SNX25: variants seen among roughly 807,000 people sequenced by gnomAD.
SNX25 encodes sorting nexin-25.
Under a neutral mutation model 113.7 loss-of-function variants are expected in SNX25, and 62 were observed. The observed-to-expected ratio is 0.55, with a 90% confidence interval of 0.44 to 0.67. The LOEUF is 0.67. SNX25 is among the 30% of genes least tolerant of loss of function. The pLI is 0.00. For synonymous variants in SNX25, 421 were observed against 436.2 expected (o/e 0.97, Z 0.43); for missense variants, 1,014 against 1,161.0 (o/e 0.87, Z 1.84).
rs1560890102 is a variant in SNX25 at position 185,212,497 on chromosome 4, T to TGTTTTTTTTG, written c.429+2242_429+2243insGTTTTTTTTG. Among the ~76,000 whole-genome samples, 77 of 49,594 alleles carry TGTTTTTTTTG rather than the reference T, an allele frequency of 1.6e-3. 2 individuals carry two copies. Among genetic ancestry groups the TGTTTTTTTTG allele is most frequent in the African/African-American group, 3.9e-3 (69 of 17,726 alleles). 32.5% of individuals were successfully genotyped at this position (49,594 alleles called of 152,430 possible). ...TGTGTGTGTGTGTGTGTGTGTTTTT[T>TGTTTTTTTTG]TTTTTTTTTGCTTTGAGACAGGGTC... On this transcript the variant is annotated intron_variant, in intron 1 of 18. Transcript: ENST00000652585.
chr4:185,264,052 G>A (rs945134978), intron 3 of SNX25, among the ~76,000 whole-genome samples: 13 of 152,156 alleles, frequency 8.5e-5, no homozygotes, highest in Admixed American at 2.6e-4. Flanking sequence ...AAGCAGGCTG[G>A]CAACCCTGGT....
At chr4:185,302,652 G>A (rs954965276) in intron 6 of SNX25, among the ~76,000 whole-genome samples, 2 of 152,218 alleles carry the variant, frequency 1.3e-5, no homozygotes. Flanking sequence ...AGGATGTGGT[G>A]CGGAGACGCC....
chr4:185,294,726 G>T (rs188741942), intron 6 of SNX25, among the ~76,000 whole-genome samples: 4 of 152,226 alleles, frequency 2.6e-5, no homozygotes, highest in South Asian at 2.1e-4. Context: ...AGTGACTTCC[G>T]CTAACTCATT....
intron 15 of SNX25, among the ~76,000 whole-genome samples, chr4:185,354,209 T>G (rs1204489014): frequency 6.6e-6 from 1 of 152,230 alleles, no homozygotes; most frequent in Admixed American, 6.5e-5. Context: ...TGACTTGGCA[T>G]AGCTTCCATT....
upstream of SNX25, among the ~76,000 whole-genome samples, chr4:185,207,307 C>T (rs987135843): frequency 1.4e-5 from 2 of 147,338 alleles, no homozygotes; most frequent in African/African-American, 5.0e-5. Flanking sequence ...AGCTCTGCCT[C>T]CCAGGTTCAC....
intron 5 of SNX25, among the ~76,000 whole-genome samples, chr4:185,280,721 G>A (rs374226219): frequency 1.3e-4 from 20 of 152,244 alleles, no homozygotes; most frequent in Non-Finnish European, 1.8e-4. Context: ...TTGTGCTTTC[G>A]TGTTCACTGA....
In SNX25 at chr4:185,222,279, C is replaced by T. The variant is rs113228389; in HGVS notation, c.429+12024C>T. On this transcript the variant is annotated intron_variant, in intron 1 of 18. Transcript: ENST00000652585. ...TATACAGCACCATATACCCCTCCTT[C>T]GCGGTAGGTATACAGCACCATATAC... is the stretch of plus-strand genomic sequence containing the variant. Among the ~76,000 whole-genome samples, 12 of 22,564 alleles carry T rather than the reference C, an allele frequency of 5.3e-4. 1 individual carries two copies. The highest frequency in any genetic ancestry group is 1.4e-3 in the African/African-American group (11 of 7,638). The allele number at this position is 22,564 out of a possible 152,430, so 14.8% of individuals were successfully genotyped here. A position where few individuals can be genotyped will look rare whatever the true frequency, so the allele number is the denominator to read the frequency against.
chr4:185,347,059 T>G lies in SNX25; in HGVS notation c.2301+409T>G, dbSNP rs556554192. 3.9e-5 allele frequency among the ~76,000 whole-genome samples: 6 copies of G among 152,286 alleles called. No homozygotes were observed. In the South Asian group the frequency reaches 1.0e-3, roughly 26 times the overall value. On this transcript the variant is annotated intron_variant, in intron 13 of 18. Coordinates refer to ENST00000652585, the MANE Select transcript of SNX25 (RefSeq NM_001378034.2). ...CTTCGTTTCTGACTTCTTTCACTCA[T>G]TATGTTCATAGGACTCATCCATCCT...
intron 6 of SNX25, among the ~76,000 whole-genome samples, chr4:185,297,626 T>G (rs149108615): frequency 1.1e-4 from 16 of 152,302 alleles, no homozygotes; most frequent in Admixed American, 2.0e-4. Context: ...TTTCTCACAG[T>G]CTAGAGGCTG....
intron 13 of SNX25, among the ~76,000 whole-genome samples, chr4:185,350,613 A>G (rs1229826273): frequency 6.6e-6 from 1 of 152,186 alleles, no homozygotes; most frequent in East Asian, 1.9e-4. Context: ...CTGTAATCCC[A>G]GCACTTTGGG....
chr4:185,307,365 CAGAGAGT>C (rs1754604821), intron 6 of SNX25, among the ~76,000 whole-genome samples: 1 of 152,210 alleles, frequency 6.6e-6, no homozygotes, highest in South Asian at 2.1e-4. Flanking sequence ...GACTCACCTC[CAGAGAGT>C]GTGCTCTCAC....
intron 1 of SNX25, among the ~76,000 whole-genome samples, chr4:185,216,637 A>G (rs1738888672): frequency 6.8e-6 from 1 of 148,114 alleles, no homozygotes; most frequent in Non-Finnish European, 1.5e-5. Flanking sequence ...CTCCTGCCTC[A>G]GCCTCCCGAG....
chr4:185,347,049 C>A (rs921101901), intron 13 of SNX25, among the ~76,000 whole-genome samples: 5 of 152,212 alleles, frequency 3.3e-5, no homozygotes, highest in Admixed American at 2.0e-4. Context: ...TTTCTGACTT[C>A]TTTCACTCAT....
At chr4:185,326,685 C>T (rs964261103) in intron 9 of SNX25, among the ~76,000 whole-genome samples, 19 of 152,132 alleles carry the variant, frequency 1.2e-4, no homozygotes, top group African/African-American at 4.3e-4. Flanking sequence ...TTATATTTGA[C>T]AATTCTTCCT....
Position 185,334,658 on chromosome 4 carries a change from A to G in SNX25, c.1914+1899A>G, listed in dbSNP as rs1335923162. On this transcript the variant is annotated intron_variant, in intron 10 of 18. Coordinates refer to ENST00000652585, the MANE Select transcript of SNX25 (RefSeq NM_001378034.2). The surrounding 1 kb of genome is among the most constrained non-coding windows in gnomAD (Gnocchi z 4.2). ...TCTATGGGTAACAGTATGAAAGATG[A>G]GTTAGAGAATATTCATTGAATTATT... Among the ~76,000 whole-genome samples the G allele has an allele frequency of 6.6e-6, 1 of 152,244 alleles. No homozygotes were observed. The highest frequency in any genetic ancestry group is 1.9e-4 in the East Asian group (1 of 5,206).
At chr4:185,206,249 GTGTT>G (rs1228362232), upstream of SNX25, among the ~76,000 whole-genome samples, 2 of 152,186 alleles carry the variant, frequency 1.3e-5, no homozygotes, top group African/African-American at 2.4e-5. Context: ...AAAAACTCAA[GTGTT>G]TGTTTATCAA....
upstream of SNX25, among the ~76,000 whole-genome samples, chr4:185,205,475 T>C (rs187328686): frequency 8.5e-4 from 129 of 152,068 alleles, no homozygotes; most frequent in African/African-American, 3.1e-3. Context: ...AAGCAAGAAT[T>C]TCACTTTCTT....
rs1265155272 is a variant in SNX25 at position 185,210,129 on chromosome 4, G to C, written c.303G>C (p.Ala101=). The C allele has an allele frequency of 2.8e-5, 28 of 984,010 alleles. No individual in the cohort carries two copies. The highest frequency in any genetic ancestry group is 3.1e-5 in the Non-Finnish European group (26 of 829,526). The allele number at this position is 984,010 out of a possible 1,614,324, so 61.0% of individuals were successfully genotyped here. Residue 101 remains alanine (A), a synonymous_variant, in exon 1 of 19, where the codon GCG becomes GCC. Transcript: ENST00000652585. This position sits in a 1 kb window ranked among gnomAD's most constrained non-coding sequence, Gnocchi z 4.4. Reference sequence around the variant, plus strand: ...GGCTCAGCCTGTACCTGAGCTGCGCGGCGGCCGCCTTCCTGCTGGGGATCC... The same window carrying C: ...GGCTCAGCCTGTACCTGAGCTGCGCCGCGGCCGCCTTCCTGCTGGGGATCC... ...LFRLSLYLSC[A]AAAFLLGILF...
rs761038724 is a variant in SNX25 at position 185,362,009 on chromosome 4, A to G, written c.2737A>G (p.Asn913Asp). 4.7e-5 allele frequency: 76 copies of G among 1,614,064 alleles called. No individual in the cohort carries two copies. The highest frequency in any genetic ancestry group is 6.1e-5 in the Non-Finnish European group (72 of 1,179,986). The change falls in exon 17 of 19, where the codon AAT (asparagine) becomes GAT (aspartate). Residue 913 changes from asparagine to aspartate, a missense_variant. By Grantham distance (23) the Asn-to-Asp change is conservative. Coordinates refer to ENST00000652585, the MANE Select transcript of SNX25 (RefSeq NM_001378034.2). Reference sequence around the variant, plus strand: ...TATTTTCCGGGATGCTTTTTGGCCAAATGGGAAGTTGGCACCACCGACCAC... The same window carrying G: ...TATTTTCCGGGATGCTTTTTGGCCAGATGGGAAGTTGGCACCACCGACCAC... ...INIFRDAFWP[N>D]GKLAPPTTIR... is the part of the protein sequence containing the mutation.
Sources: gnomAD v4.1 joint callset for allele counts (sites outside exome capture counted in the v4.1 genomes callset) on GRCh38, gnomAD v4.1.1 for gene constraint, Gnocchi (gnomAD v3.1) non-coding constraint, MANE v1.5 for transcripts, NCBI Gene and HGNC (gene_info 2026-07-23, HGNC 2026-07-21) for gene names.